The following UFL1 variants were observed in gnomAD, a reference collection of about 807,000 sequenced individuals.
UFL1 encodes the protein UFM1 specific ligase 1.
UFL1 carries 78 observed loss-of-function variants against 99.3 expected under a neutral mutation model. That is an observed-to-expected ratio of 0.79 (90% CI 0.65 to 0.95). UFL1 has a LOEUF of 0.95. UFL1 is among the 40% of genes least tolerant of loss of function. The probability of loss-of-function intolerance (pLI) is 0.00; values close to 1 mark genes in which losing one functional copy is unlikely to be tolerated. For missense variants in UFL1, 936 were observed against 937.0 expected (o/e 1.00, Z 0.01); for synonymous variants, 335 against 322.2 (o/e 1.04, Z -0.42).
chr6:96,548,261 A>C lies in UFL1; in HGVS notation c.1500A>C (p.Glu500Asp), dbSNP rs1266947768. 6.3e-7 allele frequency: 1 copy of C among 1,597,390 alleles called. No individual in the cohort carries two copies. Among genetic ancestry groups the C allele is most frequent in the East Asian group, 2.3e-5 (1 of 44,386 alleles). ...IQDAPEEFISELAEYLIKPLN... is the reference protein window; with the variant it reads ...IQDAPEEFISDLAEYLIKPLN... Reference sequence around the variant, plus strand: ...ATGCCCCTGAGGAGTTTATTTCGGAACTTGCTGAGTACTTAATAAAGCAAG... The same window carrying C: ...ATGCCCCTGAGGAGTTTATTTCGGACCTTGCTGAGTACTTAATAAAGCAAG... Residue 500 changes from glutamate (E) to aspartate (D), a missense_variant, in exon 13 of 19, where the codon GAA becomes GAC. Glu to Asp is a conservative substitution (Grantham distance 45). Coordinates refer to ENST00000369278, the MANE Select transcript of UFL1 (RefSeq NM_015323.5).
intron 6 of UFL1, 140 bp from the exon 7 acceptor site, chr6:96,534,123 T>A: frequency 2.0e-6 from 1 of 496,112 alleles, no homozygotes; most frequent in Non-Finnish European, 3.2e-6. Context: ...ATTAAGGATT[T>A]AAAATTTGGT....
chr6:96,539,002 T>C (rs1237183988), intron 10 of UFL1, among the ~76,000 whole-genome samples, 192 bp downstream of exon 10: 5 of 151,660 alleles, frequency 3.3e-5, no homozygotes, highest in African/African-American at 1.2e-4. Flanking sequence ...AACATCTGAC[T>C]TAAAAGTTGG....
At chr6:96,532,929 AAAT>A (rs1213571666) in intron 6 of UFL1, among the ~76,000 whole-genome samples, 1 of 152,202 alleles carries the variant, frequency 6.6e-6, no homozygotes, top group Non-Finnish European at 1.5e-5. Flanking sequence ...AATTTGGTAA[AAAT>A]AATAATTTAC....
chr6:96,523,644 C>T (rs566842827), intron 2 of UFL1, among the ~76,000 whole-genome samples: 1 of 152,078 alleles, frequency 6.6e-6, no homozygotes, highest in Non-Finnish European at 1.5e-5. Flanking sequence ...CAGTATCTTA[C>T]AGGATTATAG....
intron 6 of UFL1, among the ~76,000 whole-genome samples, chr6:96,533,859 A>G (rs983943405): frequency 1.3e-5 from 2 of 151,120 alleles, no homozygotes; most frequent in African/African-American, 2.4e-5. Flanking sequence ...ATCTAGCCTC[A>G]TGTCATTCCA....
rs2127951391 is a variant in UFL1, at chr6:96,538,810, G to A, written c.1158G>A (p.Lys386=). 6.3e-7 allele frequency: 1 copy of A among 1,586,334 alleles called. No homozygotes were observed. The highest frequency in any genetic ancestry group is 1.1e-5 in the South Asian group (1 of 87,026). Residue 386 remains lysine (K), a splice_region_variant and synonymous_variant, in exon 10 of 19, where the codon AAG becomes AAA. Coordinates refer to ENST00000369278, the MANE Select transcript of UFL1 (RefSeq NM_015323.5). ...FRELMHQKAE[K]EMKNNPVHLI... ...AGCTGATGCACCAGAAAGCTGAAAA[G>A]GTATTCCAGATTTCCTTTTATCTGC... is the stretch of plus-strand genomic sequence containing the variant.
In UFL1 at chr6:96,538,644, C is replaced by A. The variant is rs1051277856; in HGVS notation, c.992C>A (p.Thr331Asn). The A allele has an allele frequency of 1.7e-5, 28 of 1,610,688 alleles. No individual in the cohort carries two copies. In the East Asian group the frequency reaches 6.2e-4, roughly 36 times the overall value. ...TTGTAATTCTAGCCTCTGCTACCCA[C>A]TTCTTTATCAGTTGAAGATGCTGCC... Reference protein sequence around the residue: ...TWVDIAPLLPTSLSVEDAAIL... With the variant: ...TWVDIAPLLPNSLSVEDAAIL... Residue 331 changes from threonine (T) to asparagine (N), a missense_variant, in exon 10 of 19, where the codon ACT becomes AAT. Thr to Asn is a moderately conservative substitution (Grantham distance 65, BLOSUM62 0). Coordinates refer to ENST00000369278, the MANE Select transcript of UFL1 (RefSeq NM_015323.5).
intron 15 of UFL1, 136 bp downstream of exon 15, chr6:96,549,935 T>G: frequency 8.3e-7 from 1 of 1,209,108 alleles, no homozygotes. Context: ...TAAAAGTTTT[T>G]TATTCAACTT....
chr6:96,537,589 C>G (rs1290081280), intron 9 of UFL1, 40 bp downstream of exon 9: 9 of 1,477,776 alleles, frequency 6.1e-6, no homozygotes, highest in Non-Finnish European at 7.2e-6. Context: ...TAAACAGTGA[C>G]AACTGATATT....
At chr6:96,541,015 G>A (rs1440748553) in intron 11 of UFL1, among the ~76,000 whole-genome samples, 1 of 151,074 alleles carries the variant, frequency 6.6e-6, no homozygotes, top group African/African-American at 2.4e-5. Flanking sequence ...TACACCAACT[G>A]TTCCTTTTAC....
At chr6:96,525,695 A>G (rs1769689871) in intron 4 of UFL1, among the ~76,000 whole-genome samples, 1 of 152,054 alleles carries the variant, frequency 6.6e-6, no homozygotes. Flanking sequence ...AAAAAAAAAA[A>G]AAATTCAGTG....
intron 9 of UFL1, among the ~76,000 whole-genome samples, chr6:96,537,943 T>G (rs1390200117): frequency 6.6e-6 from 1 of 151,874 alleles, no homozygotes; most frequent in Non-Finnish European, 1.5e-5. Context: ...ACGGATAGTG[T>G]TTACTTCAGT....
chr6:96,548,111 G>A, intron 12 of UFL1, 53 bp from the exon 13 acceptor site: 1 of 1,225,382 alleles, frequency 8.2e-7, no homozygotes, highest in Non-Finnish European at 1.1e-6. Flanking sequence ...TTGCCATTTG[G>A]TTGCATGTTT....
chr6:96,532,919 A>T (rs1011346648), intron 6 of UFL1, among the ~76,000 whole-genome samples: 7 of 152,212 alleles, frequency 4.6e-5, no homozygotes, highest in South Asian at 2.1e-4. Flanking sequence ...TGATCCTAAG[A>T]ATTTGGTAAA....
At chr6:96,524,979 C>G (rs1333409143) in intron 3 of UFL1, among the ~76,000 whole-genome samples, 1 of 152,030 alleles carries the variant, frequency 6.6e-6, no homozygotes, top group Non-Finnish European at 1.5e-5. Context: ...CTGAAAATAA[C>G]TAAGCAATAC....
At chr6:96,550,462 C>T (rs1342794131) in intron 15 of UFL1, among the ~76,000 whole-genome samples, 1 of 151,986 alleles carries the variant, frequency 6.6e-6, no homozygotes, top group Non-Finnish European at 1.5e-5. Context: ...ATGTGACTGA[C>T]TACATGTCAC....
chr6:96,534,208 A>G (rs1003526675), intron 6 of UFL1, 55 bp from the exon 7 acceptor site: 7 of 1,134,916 alleles, frequency 6.2e-6, no homozygotes, highest in African/African-American at 1.6e-5. Context: ...TAAGTTCATT[A>G]ATCTATAACA....
At chr6:96,534,417 T>TATGGCAGTCC in intron 7 of UFL1, 96 bp downstream of exon 7, 1 of 935,488 alleles carries the variant, frequency 1.1e-6, no homozygotes, top group Non-Finnish European at 1.5e-6. Context: ...CTTTTATTGT[T>TATGGCAGTCC]AATGTAACTA....
intron 12 of UFL1, among the ~76,000 whole-genome samples, chr6:96,544,494 G>A (rs1200510297): frequency 1.3e-5 from 2 of 150,900 alleles, no homozygotes; most frequent in African/African-American, 4.8e-5. Flanking sequence ...GCTGGAAGAT[G>A]TAGATATCAA....
Sources: gnomAD v4.1 joint callset for allele counts (sites outside exome capture counted in the v4.1 genomes callset) on GRCh38, gnomAD v4.1.1 for gene constraint, MANE v1.5 for transcripts, NCBI Gene and HGNC (gene_info 2026-07-23, HGNC 2026-07-21) for gene names.